KLKB1: variants seen among roughly 807,000 people sequenced by gnomAD.
KLKB1 encodes kallikrein B1, also known as plasma kallikrein.
In KLKB1, 58 loss-of-function variants were observed where a neutral mutation model predicts 73.6. That is an observed-to-expected ratio of 0.79 (90% CI 0.64 to 0.98). KLKB1 has a LOEUF of 0.98. Among genes scored for constraint, KLKB1 ranks in the 50% least tolerant of loss-of-function variants. KLKB1 has a pLI of 0.00. For missense variants in KLKB1, 737 were observed against 763.8 expected (o/e 0.96, Z 0.41); for synonymous variants, 280 against 258.1 (o/e 1.08, Z -0.81).
chr4:186,258,272 G>T lies in KLKB1; in HGVS notation c.*60G>T, dbSNP rs1330931733. ...TGAGTTCAAGTCAAATTCTGAGCCT[G>T]GGGGGTCCTCATCTGCAAAGCATGG... On this transcript the variant is annotated 3_prime_UTR_variant, in exon 15 of 15. Coordinates refer to ENST00000264690, the MANE Select transcript of KLKB1 (RefSeq NM_000892.5). 7.1e-7 allele frequency: 1 copy of T among 1,416,770 alleles called. No individual in the cohort carries two copies. Among genetic ancestry groups the T allele is most frequent in the African/African-American group, 1.4e-5 (1 of 70,732 alleles). The allele number at this position is 1,416,770 out of a possible 1,614,324, so 87.8% of individuals were successfully genotyped here. A position where few individuals can be genotyped will look rare whatever the true frequency, so the allele number is the denominator to read the frequency against.
At chr4:186,211,793 A>G (rs541172620) in intron 2 of KLKB1, 8 of 152,208 alleles carry the variant, frequency 5.3e-5, no homozygotes, top group Admixed American at 3.9e-4. Flanking sequence ...GACAAGAATA[A>G]TCATTATAGT....
upstream of KLKB1, among the ~76,000 whole-genome samples, chr4:186,223,539 CT>C (rs1737076599): frequency 6.6e-6 from 1 of 152,190 alleles, no homozygotes; most frequent in Admixed American, 6.5e-5. Context: ...CATTTTGCCC[CT>C]GCCCTAGAGA....
In KLKB1 at chr4:186,251,625, T is replaced by A; in HGVS notation, c.1007T>A (p.Leu336His). Reference sequence around the variant, plus strand: ...TGTCAGTTTTTCACTTATTCTTTACTCCCAGAAGACTGTAAGGAAGAGAAG... The same window carrying A: ...TGTCAGTTTTTCACTTATTCTTTACACCCAGAAGACTGTAAGGAAGAGAAG... ...IRCQFFTYSL[L>H]PEDCKEEKCK... Residue 336 changes from leucine to histidine, a missense_variant, in exon 9 of 15, where the codon CTC becomes CAC. Transcript: ENST00000264690. 1 of 1,614,152 alleles carries A rather than the reference T, an allele frequency of 6.2e-7. No homozygotes were observed. Among genetic ancestry groups the A allele is most frequent in the South Asian group, 1.1e-5 (1 of 91,090 alleles).
At chr4:186,252,454 A>ACCAAT (rs1554079461) in intron 11 of KLKB1, among the ~76,000 whole-genome samples, 2 of 151,064 alleles carry the variant, frequency 1.3e-5, no homozygotes, top group African/African-American at 2.5e-5. Flanking sequence ...CCAACCCACC[A>ACCAAT]CCCACCACCA....
intron 1 of KLKB1, 123 bp from the exon 2 acceptor site, chr4:186,228,072 C>T (rs969496516): frequency 1.5e-6 from 1 of 681,644 alleles, no homozygotes; most frequent in Admixed American, 2.2e-5. Flanking sequence ...TTTTCTATAC[C>T]AGTAATTGTG....
upstream of KLKB1, among the ~76,000 whole-genome samples, chr4:186,221,725 A>G (rs1348704277): frequency 6.6e-6 from 1 of 152,142 alleles, no homozygotes; most frequent in Non-Finnish European, 1.5e-5. Flanking sequence ...CCTATCCTGG[A>G]GAGTGTTCTG....
intron 6 of KLKB1, among the ~76,000 whole-genome samples, chr4:186,249,041 A>G (rs1470649333): frequency 6.6e-6 from 1 of 152,274 alleles, no homozygotes; most frequent in Non-Finnish European, 1.5e-5. Context: ...GTTGAGTTGT[A>G]TGAACTCTTT....
At chr4:186,250,509 T>TAA in intron 7 of KLKB1, 107 bp downstream of exon 7, 1 of 1,332,568 alleles carries the variant, frequency 7.5e-7, no homozygotes, top group Non-Finnish European at 1.1e-6. Context: ...GTTTCGTTCA[T>TAA]TTCCCTCAAA....
At chr4:186,251,697 A>C (rs560397235) in intron 9 of KLKB1, 48 bp downstream of exon 9, 1 of 1,606,840 alleles carries the variant, frequency 6.2e-7, no homozygotes, top group South Asian at 1.1e-5. Context: ...ACCATTTCAT[A>C]TTCTCTTTCC....
intron 6 of KLKB1, among the ~76,000 whole-genome samples, chr4:186,247,024 G>A (rs1201029831): frequency 6.6e-6 from 1 of 152,158 alleles, no homozygotes; most frequent in Admixed American, 6.6e-5. Context: ...AAGAGGTTGA[G>A]GGATAGGGAG....
rs770781234 is a variant in KLKB1 at position 186,251,895 on chromosome 4, G to T, written c.1144+34G>T. On this transcript the variant is annotated intron_variant, in intron 10 of 14. Coordinates refer to ENST00000264690, the MANE Select transcript of KLKB1 (RefSeq NM_000892.5). ...CCTCACTTTTTCGTGGACCTGTCAG[G>T]GATGTCTGTCATGTTGATAGTTTGC... is the stretch of plus-strand genomic sequence containing the variant. 19 of 1,598,350 alleles carry T rather than the reference G, an allele frequency of 1.2e-5. No individual in the cohort carries two copies. The Admixed American group carries it at 3.2e-4, about 27-fold the overall frequency.
At chr4:186,257,629 A>G (rs1359100480) in intron 14 of KLKB1, among the ~76,000 whole-genome samples, 7 of 99,526 alleles carry the variant, frequency 7.0e-5, no homozygotes, top group Non-Finnish European at 1.2e-4. Flanking sequence ...AAAACATTAG[A>G]CTTCATCATT....
At chr4:186,226,602 A>C (rs1039155501), upstream of KLKB1, 6 of 152,456 alleles carry the variant, frequency 3.9e-5, no homozygotes, top group African/African-American at 1.4e-4. Context: ...AATGAGCCTT[A>C]AGCCTGCGTC....
chr4:186,247,831 A>AATT (rs1738436033), intron 6 of KLKB1, among the ~76,000 whole-genome samples: 1 of 152,204 alleles, frequency 6.6e-6, no homozygotes, highest in Non-Finnish European at 1.5e-5. Flanking sequence ...TTTGATATCT[A>AATT]ATTTAGATAA....
chr4:186,225,759 T>C (rs1322511331), upstream of KLKB1, among the ~76,000 whole-genome samples: 2 of 152,162 alleles, frequency 1.3e-5, no homozygotes, highest in Non-Finnish European at 2.9e-5. Flanking sequence ...TTTAATCTAT[T>C]TGGAGTTCTT....
chr4:186,251,864 G>T lies in KLKB1; in HGVS notation c.1144+3G>T. Reference sequence around the variant, plus strand: ...GTGTAACACTGGGGACAACTCTGGTGAGTAACCTCACTTTTTCGTGGACCT... The same window carrying T: ...GTGTAACACTGGGGACAACTCTGGTTAGTAACCTCACTTTTTCGTGGACCT... On this transcript the variant is annotated splice_donor_region_variant and intron_variant, in intron 10 of 14. Coordinates refer to ENST00000264690, the MANE Select transcript of KLKB1 (RefSeq NM_000892.5). 6.2e-7 allele frequency: 1 copy of T among 1,609,904 alleles called. No individual in the cohort carries two copies. The highest frequency in any genetic ancestry group is 1.1e-5 in the South Asian group (1 of 90,996).
chr4:186,213,952 G>A (rs979580490), intron 2 of KLKB1, among the ~76,000 whole-genome samples: 2 of 152,094 alleles, frequency 1.3e-5, no homozygotes, highest in African/African-American at 4.8e-5. Flanking sequence ...CTTTTCTTCT[G>A]TTCTCATCTT....
chr4:186,251,911 G>C, intron 10 of KLKB1, 50 bp downstream of exon 10: 1 of 1,600,584 alleles, frequency 6.2e-7, no homozygotes, highest in Non-Finnish European at 8.6e-7. Flanking sequence ...CTGTCATGTT[G>C]ATAGTTTGCT....
intron 3 of KLKB1, among the ~76,000 whole-genome samples, chr4:186,233,697 A>C (rs974839772): frequency 2.0e-5 from 3 of 152,194 alleles, no homozygotes; most frequent in African/African-American, 7.2e-5. Context: ...AGAACACAGG[A>C]AAAATCATTA....
Sources: allele counts gnomAD v4.1 joint callset (sites outside exome capture counted in the v4.1 genomes callset), GRCh38; gene constraint gnomAD v4.1.1; transcripts MANE v1.5; gene names NCBI Gene and HGNC (gene_info 2026-07-23, HGNC 2026-07-21).